SCLT1: variants seen among roughly 807,000 people sequenced by gnomAD.
The protein encoded by SCLT1 is sodium channel and clathrin linker 1, also known as sodium channel-associated protein 1.
SCLT1 carries 78 observed loss-of-function variants against 112.8 expected under a neutral mutation model. The observed-to-expected ratio is 0.69, with a 90% CI of 0.58 to 0.83. The LOEUF (loss-of-function observed/expected upper bound fraction) is 0.83, where lower values mean the gene tolerates loss of function less well. Among genes scored for constraint, SCLT1 ranks in the 40% least tolerant of loss-of-function variants. SCLT1 has a pLI of 0.00. For synonymous variants in SCLT1, 257 were observed against 254.7 expected (o/e 1.01, Z -0.09); for missense variants, 747 against 770.4 (o/e 0.97, Z 0.36).
intron 18 of SCLT1, among the ~76,000 whole-genome samples, chr4:128,914,784 GT>G (rs1333140001): frequency 6.6e-6 from 1 of 152,068 alleles, no homozygotes; most frequent in Non-Finnish European, 1.5e-5. Flanking sequence ...GGAAACTATA[GT>G]TTCTTCTACA....
chr4:128,962,942 T>C (rs928080689), intron 11 of SCLT1, among the ~76,000 whole-genome samples: 1 of 152,192 alleles, frequency 6.6e-6, no homozygotes, highest in Non-Finnish European at 1.5e-5. Flanking sequence ...TATGGTAACT[T>C]AGCTTTTAAA....
intron 18 of SCLT1, among the ~76,000 whole-genome samples, chr4:128,923,482 A>C (rs1459214643): frequency 1.4e-5 from 2 of 148,068 alleles, no homozygotes; most frequent in Admixed American, 1.3e-4. Context: ...GAATAGGTCC[A>C]TTGCCCTAAA....
intron 4 of SCLT1, chr4:129,039,809 T>C: frequency 5.6e-6 from 1 of 178,120 alleles, no homozygotes; most frequent in Non-Finnish European, 1.2e-5. Flanking sequence ...GCATTTAAAG[T>C]TGGCGAAAAT....
chr4:128,995,780 G>C (rs1742963809), intron 8 of SCLT1, among the ~76,000 whole-genome samples: 1 of 152,048 alleles, frequency 6.6e-6, no homozygotes, highest in African/African-American at 2.4e-5. Context: ...GGACCTATTA[G>C]AGCTTCGTGA....
chr4:128,891,180 A>G, intron 18 of SCLT1, 43 bp from the exon 19 acceptor site: 2 of 1,401,198 alleles, frequency 1.4e-6, no homozygotes, highest in South Asian at 2.4e-5. Flanking sequence ...ATTGTTCCAA[A>G]TAGAAAACAG....
intron 16 of SCLT1, among the ~76,000 whole-genome samples, chr4:128,944,266 G>A (rs1737953606): frequency 6.6e-6 from 1 of 152,070 alleles, no homozygotes; most frequent in Admixed American, 6.6e-5. Flanking sequence ...GACATATCTA[G>A]GGAATGATAA....
intron 5 of SCLT1, among the ~76,000 whole-genome samples, chr4:129,024,411 C>T (rs903860612): frequency 6.6e-6 from 1 of 152,166 alleles, no homozygotes; most frequent in Non-Finnish European, 1.5e-5. Context: ...TGTTCTGCAG[C>T]CACTGCTGCT....
intron 18 of SCLT1, among the ~76,000 whole-genome samples, chr4:128,921,562 C>A (rs1005863254): frequency 3.9e-5 from 6 of 152,118 alleles, no homozygotes; most frequent in African/African-American, 1.4e-4. Context: ...GGAAAGAACT[C>A]CCTATTCAAT....
At chr4:128,886,917 C>T (rs1732935301) in intron 20 of SCLT1, among the ~76,000 whole-genome samples, 3 of 152,034 alleles carry the variant, frequency 2.0e-5, no homozygotes. Context: ...TTGCCATTTG[C>T]CTTAAAAAAG....
intron 4 of SCLT1, among the ~76,000 whole-genome samples, chr4:129,042,850 G>A (rs1408645815): frequency 2.0e-5 from 3 of 151,896 alleles, no homozygotes; most frequent in East Asian, 1.9e-4. Flanking sequence ...CGAGGCAGGC[G>A]GATCACGAGG....
At chr4:128,886,196 G>A (rs1168606513) in intron 20 of SCLT1, among the ~76,000 whole-genome samples, 1 of 152,078 alleles carries the variant, frequency 6.6e-6, no homozygotes, top group African/African-American at 2.4e-5. Flanking sequence ...ACACAGTATG[G>A]CATTCAACTA....
intron 9 of SCLT1, among the ~76,000 whole-genome samples, chr4:128,977,985 T>G (rs1439874481): frequency 6.6e-6 from 1 of 152,114 alleles, no homozygotes; most frequent in African/African-American, 2.4e-5. Flanking sequence ...GGATGATGAC[T>G]AGATTTGTGA....
intron 17 of SCLT1, 77 bp downstream of exon 17, chr4:128,942,919 G>T: frequency 9.2e-7 from 1 of 1,081,800 alleles, no homozygotes. Context: ...CCTTAAAGAT[G>T]TTTTGCTAGG....
chr4:129,069,873 A>C (rs1429796551), intron 2 of SCLT1, among the ~76,000 whole-genome samples: 1 of 152,078 alleles, frequency 6.6e-6, no homozygotes, highest in African/African-American at 2.4e-5. Context: ...CCCATTCAGT[A>C]TTAGTTGGCT....
chr4:129,074,993 A>T (rs1751336289), intron 2 of SCLT1, among the ~76,000 whole-genome samples: 1 of 152,096 alleles, frequency 6.6e-6, no homozygotes, highest in Non-Finnish European at 1.5e-5. Context: ...CAGCTACCAC[A>T]CTGGGTCTCT....
intron 3 of SCLT1, among the ~76,000 whole-genome samples, chr4:128,877,340 G>A (rs961101514): frequency 1.3e-5 from 2 of 151,394 alleles, no homozygotes; most frequent in Non-Finnish European, 2.9e-5. Context: ...ATCCCAGCCT[G>A]TCTGGGATTG....
chr4:128,974,676 C>A (rs895171361), intron 9 of SCLT1, among the ~76,000 whole-genome samples: 1 of 151,956 alleles, frequency 6.6e-6, no homozygotes, highest in Non-Finnish European at 1.5e-5. Flanking sequence ...AATATTCAAG[C>A]TTTTAAAATT....
intron 1 of SCLT1, among the ~76,000 whole-genome samples, chr4:129,083,554 G>A (rs1752144222): frequency 6.6e-6 from 1 of 152,026 alleles, no homozygotes; most frequent in South Asian, 2.1e-4. Flanking sequence ...TGCTTTGGGA[G>A]GCCAAAGTAG....
At chr4:129,080,334 C>G (rs1420349244) in intron 2 of SCLT1, among the ~76,000 whole-genome samples, 4 of 152,120 alleles carry the variant, frequency 2.6e-5, no homozygotes, top group Admixed American at 2.6e-4. Flanking sequence ...AGTTTCAGAC[C>G]ATCTCTTTGC....
Sources: gnomAD v4.1 joint callset for allele counts (sites outside exome capture counted in the v4.1 genomes callset) on GRCh38, gnomAD v4.1.1 for gene constraint, MANE v1.5 for transcripts, NCBI Gene and HGNC (gene_info 2026-07-23, HGNC 2026-07-21) for gene names.